Variants in ADAMTS17 observed in about 807,000 individuals in gnomAD.
ADAMTS17 encodes the protein ADAM metallopeptidase with thrombospondin type 1 motif 17, also known as A disintegrin and metalloproteinase with thrombospondin motifs 17.
A neutral mutation model predicts 141.5 loss-of-function variants in ADAMTS17; 113 were observed. That is an observed-to-expected ratio of 0.80 (90% CI 0.69 to 0.93). The LOEUF (loss-of-function observed/expected upper bound fraction) is 0.93, where lower values mean the gene tolerates loss of function less well. ADAMTS17 is among the 40% of genes least tolerant of loss of function. ADAMTS17 has a pLI of 0.00. For missense variants in ADAMTS17, 1,659 were observed against 1,517.9 expected (o/e 1.09, Z -1.54); for synonymous variants, 768 against 630.6 (o/e 1.22, Z -3.27).
At chr15:100,202,914 G>A (rs780069102) in intron 7 of ADAMTS17, among the ~76,000 whole-genome samples, 33 of 152,222 alleles carry the variant, frequency 2.2e-4, no homozygotes, top group Non-Finnish European at 4.3e-4. Context: ...TTTAGACCCT[G>A]CAGTGGTGCT....
At chr15:100,318,030 A>G (rs2045618776) in intron 3 of ADAMTS17, among the ~76,000 whole-genome samples, 1 of 152,132 alleles carries the variant, frequency 6.6e-6, no homozygotes, top group Non-Finnish European at 1.5e-5. Context: ...AAGTCCTGCC[A>G]TTACAAAGCC....
intron 7 of ADAMTS17, among the ~76,000 whole-genome samples, chr15:100,244,535 T>C (rs1340576575): frequency 2.0e-5 from 3 of 151,858 alleles, no homozygotes; most frequent in Non-Finnish European, 1.5e-5. Context: ...GTTCTGGTGA[T>C]AGCGAATAAG....
intron 15 of ADAMTS17, among the ~76,000 whole-genome samples, chr15:100,062,167 C>T (rs1326182254): frequency 6.6e-6 from 1 of 152,184 alleles, no homozygotes; most frequent in East Asian, 1.9e-4. Context: ...GGGACACTGT[C>T]CATGCAGGGG....
chr15:100,067,242 G>A lies in ADAMTS17; in HGVS notation c.2138-13188C>T, dbSNP rs534794288. Among the ~76,000 whole-genome samples, 6 of 151,052 alleles carry A rather than the reference G, an allele frequency of 4.0e-5. No homozygotes were observed. In the East Asian group the frequency reaches 1.2e-3, roughly 30 times the overall value. ...TGAGAAGGCAGCCATCATTCTAAGT[G>A]TCGTTCCTTTCTAAGTGGCCCATCT... On this transcript the variant is annotated intron_variant, in intron 15 of 21. Transcript: ENST00000268070.
intron 7 of ADAMTS17, among the ~76,000 whole-genome samples, chr15:100,237,760 A>G (rs1459608456): frequency 6.6e-6 from 1 of 152,220 alleles, no homozygotes; most frequent in South Asian, 2.1e-4. Flanking sequence ...AGTAGCTGGA[A>G]TTATAGGCAC....
Position 100,162,783 on chromosome 15 carries a change from T to C in ADAMTS17, c.1182-7463A>G, listed in dbSNP as rs931605981. Among the ~76,000 whole-genome samples the C allele has an allele frequency of 8.9e-5, 13 of 146,262 alleles. No individual in the cohort carries two copies. The South Asian group carries it at 2.8e-3, about 31-fold the overall frequency. On this transcript the variant is annotated intron_variant, in intron 8 of 21. Transcript: ENST00000268070. ...AGGCACATATACACATATATATACA[T>C]ATGCACATATACACAGTATATATGC...
chr15:100,163,121 G>T (rs1047178890), intron 8 of ADAMTS17, among the ~76,000 whole-genome samples: 4 of 151,036 alleles, frequency 2.6e-5, no homozygotes, highest in Non-Finnish European at 5.9e-5. Flanking sequence ...TATAGGACAG[G>T]TATATACCTA....
intron 8 of ADAMTS17, among the ~76,000 whole-genome samples, chr15:100,196,898 G>C (rs1442689624): frequency 6.6e-6 from 1 of 152,216 alleles, no homozygotes; most frequent in Non-Finnish European, 1.5e-5. Context: ...TGGGAAACCT[G>C]TAATTACCCA....
Position 100,341,415 on chromosome 15 carries a change from G to A in ADAMTS17, c.80-6C>T. 7 of 1,016,138 alleles carry A rather than the reference G, an allele frequency of 6.9e-6. No homozygotes were observed. The highest frequency in any genetic ancestry group is 8.2e-6 in the Non-Finnish European group (7 of 851,784). The allele number at this position is 1,016,138 out of a possible 1,614,324, so 62.9% of individuals were successfully genotyped here. A position where few individuals can be genotyped will look rare whatever the true frequency, so the allele number is the denominator to read the frequency against. ...GGCCGCCGCGTCGCCGACAGCTGCG[G>A]GGAGAGAGGAGACGCGTCAGCGCGG... On this transcript the variant is annotated splice_polypyrimidine_tract_variant and splice_region_variant and intron_variant, in intron 1 of 21. Coordinates refer to ENST00000268070, the MANE Select transcript of ADAMTS17 (RefSeq NM_139057.4).
At chr15:100,247,561 G>C (rs2043026286) in intron 7 of ADAMTS17, among the ~76,000 whole-genome samples, 1 of 152,188 alleles carries the variant, frequency 6.6e-6, no homozygotes, top group Non-Finnish European at 1.5e-5. Flanking sequence ...GTCACAGGGT[G>C]ACCAATGTGG....
At chr15:100,311,358 G>A (rs1403598409) in intron 3 of ADAMTS17, among the ~76,000 whole-genome samples, 2 of 152,228 alleles carry the variant, frequency 1.3e-5, no homozygotes, top group Admixed American at 6.5e-5. Flanking sequence ...CCTGGCCCAT[G>A]GCCTTCTGGG....
At chr15:100,305,168 T>C (rs1386907573) in intron 3 of ADAMTS17, among the ~76,000 whole-genome samples, 6 of 152,116 alleles carry the variant, frequency 3.9e-5, no homozygotes, top group Non-Finnish European at 7.3e-5. Flanking sequence ...ACCCTGCACA[T>C]TGTTCAAAGG....
intron 15 of ADAMTS17, among the ~76,000 whole-genome samples, chr15:100,092,759 G>A (rs1269234965): frequency 1.3e-5 from 2 of 152,062 alleles, no homozygotes; most frequent in South Asian, 2.1e-4. Context: ...TAAGGATTAC[G>A]TGAAAAGGTT....
chr15:100,113,257 G>A (rs937669135), intron 13 of ADAMTS17, among the ~76,000 whole-genome samples: 7 of 152,118 alleles, frequency 4.6e-5, no homozygotes, highest in Admixed American at 1.3e-4. Flanking sequence ...TCCCAAAGAA[G>A]GCTACACTCC....
chr15:100,292,264 C>T lies in ADAMTS17; in HGVS notation c.617-10863G>A, dbSNP rs376717711. On this transcript the variant is annotated intron_variant, in intron 3 of 21. Coordinates refer to ENST00000268070, the MANE Select transcript of ADAMTS17 (RefSeq NM_139057.4). The stretch of plus-strand genomic sequence containing the variant: ...TCACCCCGTGAGAAACTATGAGAGA[C>T]GCTCAGCCCGTGAGAATCTACGAGA... Among the ~76,000 whole-genome samples the T allele has an allele frequency of 8.5e-4, 129 of 151,620 alleles. 6 individuals are homozygous for T. In the South Asian group the frequency reaches 0.026, roughly 30 times the overall value.
At chr15:100,271,594 T>C (rs2043914883) in intron 4 of ADAMTS17, among the ~76,000 whole-genome samples, 1 of 152,158 alleles carries the variant, frequency 6.6e-6, no homozygotes, top group Admixed American at 6.5e-5. Context: ...TGTTTTTTTT[T>C]TTCCTTCCTG....
chr15:100,268,151 A>G (rs1486900357), intron 4 of ADAMTS17, among the ~76,000 whole-genome samples: 1 of 152,070 alleles, frequency 6.6e-6, no homozygotes, highest in Non-Finnish European at 1.5e-5. Flanking sequence ...ACAGCTGTGT[A>G]GTATTCTATG....
At chr15:100,282,082 C>A (rs1442220836) in intron 3 of ADAMTS17, among the ~76,000 whole-genome samples, 1 of 152,162 alleles carries the variant, frequency 6.6e-6, no homozygotes, top group African/African-American at 2.4e-5. Context: ...CTTTGATAAA[C>A]AGCTACTGTT....
chr15:100,262,834 G>C (rs1407701587), intron 4 of ADAMTS17, among the ~76,000 whole-genome samples: 3 of 148,562 alleles, frequency 2.0e-5, no homozygotes, highest in Middle Eastern at 7.2e-3. Context: ...AAATTCAAAT[G>C]TCAGTGTCCA....
Sources: gnomAD v4.1 joint callset for allele counts (sites outside exome capture counted in the v4.1 genomes callset) on GRCh38, gnomAD v4.1.1 for gene constraint, MANE v1.5 for transcripts, NCBI Gene and HGNC (gene_info 2026-07-23, HGNC 2026-07-21) for gene names.